ITIH6: variants seen among roughly 807,000 people sequenced by gnomAD.
ITIH6 encodes inter-alpha-trypsin inhibitor heavy chain H6.
A neutral mutation model predicts 58.2 loss-of-function variants in ITIH6; 60 were observed. The ratio of observed to expected loss-of-function variants is 1.03; its 90% CI spans 0.84 to 1.28. The LOEUF (loss-of-function observed/expected upper bound fraction) is 1.28, where lower values mean the gene tolerates loss of function less well. Ranked by LOEUF, ITIH6 falls within the 50% of genes most tolerant of loss-of-function variation. The pLI is 0.00. For missense variants in ITIH6, 1,290 were observed against 1,021.1 expected (o/e 1.26, Z -3.59); for synonymous variants, 493 against 417.4 (o/e 1.18, Z -2.21).
At chrX:54,785,641 G>C (rs1929229085) in intron 5 of ITIH6, among the ~76,000 whole-genome samples, 1 of 111,588 alleles carries the variant, frequency 9.0e-6, no homozygotes, top group Admixed American at 9.5e-5. Context: ...TTTCCCCTGC[G>C]ATCTGCGACA....
chrX:54,759,412 G>T (rs983328066), intron 7 of ITIH6, among the ~76,000 whole-genome samples: 1 of 111,948 alleles, frequency 8.9e-6, no homozygotes, highest in African/African-American at 3.2e-5. Flanking sequence ...TTGCTTAAAA[G>T]CTAGAATCAG....
At chrX:54,761,303 ATTTG>A (rs1191320959) in intron 6 of ITIH6, among the ~76,000 whole-genome samples, 3 of 111,474 alleles carry the variant, frequency 2.7e-5, no homozygotes, top group Non-Finnish European at 5.6e-5. Flanking sequence ...TTTCTTGTAA[ATTTG>A]TTTGAGTTCT....
intron 6 of ITIH6, among the ~76,000 whole-genome samples, chrX:54,770,262 G>T (rs908042790): frequency 8.9e-6 from 1 of 112,478 alleles, no homozygotes; most frequent in Non-Finnish European, 1.9e-5. Flanking sequence ...GCACCCACTG[G>T]CCTGCGCCCA....
At chrX:54,792,819 C>T (rs939253469) in intron 2 of ITIH6, among the ~76,000 whole-genome samples, 20 of 112,149 alleles carry the variant, frequency 1.8e-4, no homozygotes, top group African/African-American at 6.5e-4. Flanking sequence ...AGAAGGTAGT[C>T]TTGAAGCTAA....
chrX:54,759,045 C>T lies in ITIH6; in HGVS notation c.1076-47G>A, dbSNP rs1482055758. ...AGACCATCTTCTCTGGTCACTTCTACCCCCATTGCAGACACACTGGGCACC... is the reference window on the plus strand; with the variant it reads ...AGACCATCTTCTCTGGTCACTTCTATCCCCATTGCAGACACACTGGGCACC... On this transcript the variant is annotated intron_variant, in intron 7 of 12. Coordinates refer to ENST00000218436, the MANE Select transcript of ITIH6 (RefSeq NM_198510.3). The T allele has an allele frequency of 8.4e-6, 8 of 957,803 alleles. No individual in the cohort carries two copies. In the South Asian group the frequency reaches 1.9e-4, roughly 22 times the overall value. The allele number at this position is 957,803 out of a possible 1,213,427, so 78.9% of individuals were successfully genotyped here. A position where few individuals can be genotyped will look rare whatever the true frequency, so the allele number is the denominator to read the frequency against.
intron 6 of ITIH6, among the ~76,000 whole-genome samples, chrX:54,773,040 C>G (rs1349293496): frequency 8.9e-6 from 1 of 111,821 alleles, no homozygotes; most frequent in African/African-American, 3.3e-5. Flanking sequence ...CTTCTAGTGT[C>G]TGTATTTTTG....
chrX:54,755,455 C>T (rs1928466527), intron 8 of ITIH6, among the ~76,000 whole-genome samples: 1 of 111,339 alleles, frequency 9.0e-6, no homozygotes, highest in African/African-American at 3.3e-5. Context: ...CATAATTTAT[C>T]ACAAATGGTG....
At chrX:54,750,473 G>C (rs1928330405) in intron 12 of ITIH6, among the ~76,000 whole-genome samples, 1 of 111,382 alleles carries the variant, frequency 9.0e-6, no homozygotes, top group African/African-American at 3.3e-5. Context: ...GGTTCTGCCA[G>C]TGTCTCCTGA....
At chrX:54,751,526 G>A in intron 11 of ITIH6, 146 bp from the exon 12 acceptor site, 1 of 667,193 alleles carries the variant, frequency 1.5e-6, no homozygotes, top group Non-Finnish European at 2.2e-6. Context: ...GGTCCACCTG[G>A]CTGCTCCTTC....
At chrX:54,756,698 A>G (rs979651728) in intron 8 of ITIH6, among the ~76,000 whole-genome samples, 2 of 110,892 alleles carry the variant, frequency 1.8e-5, no homozygotes, top group Non-Finnish European at 3.8e-5. Flanking sequence ...CCCTTGGCCA[A>G]TTTGTTTCTG....
intron 6 of ITIH6, among the ~76,000 whole-genome samples, chrX:54,766,045 G>C (rs868252947): frequency 9.9e-5 from 11 of 110,879 alleles, no homozygotes; most frequent in Admixed American, 2.9e-4. Flanking sequence ...TCTTCCATTT[G>C]TTTGTATCCT....
intron 6 of ITIH6, among the ~76,000 whole-genome samples, chrX:54,762,375 C>T (rs2147605089): frequency 9.0e-6 from 1 of 111,616 alleles, no homozygotes; most frequent in Admixed American, 9.6e-5. Flanking sequence ...ACAATCATGT[C>T]ATCTGCAAAC....
At chrX:54,787,666 T>A (rs1215895376) in intron 5 of ITIH6, 2 of 111,691 alleles carry the variant, frequency 1.8e-5, no homozygotes, top group African/African-American at 6.5e-5. Context: ...AACGAATTGT[T>A]GGTGGACTGG....
At chrX:54,764,042 T>A (rs1292178229) in intron 6 of ITIH6, among the ~76,000 whole-genome samples, 1 of 112,131 alleles carries the variant, frequency 8.9e-6, no homozygotes, top group Non-Finnish European at 1.9e-5. Flanking sequence ...TAGCATGGTA[T>A]ATCTTTCTCT....
chrX:54,790,227 A>G (rs1929317661), intron 4 of ITIH6, among the ~76,000 whole-genome samples: 1 of 106,208 alleles, frequency 9.4e-6, no homozygotes, highest in Non-Finnish European at 1.9e-5. Flanking sequence ...CTGGTTGATG[A>G]CACAGCTTCC....
At chrX:54,776,269 G>A (rs1396578202) in intron 5 of ITIH6, among the ~76,000 whole-genome samples, 1 of 111,150 alleles carries the variant, frequency 9.0e-6, no homozygotes, top group East Asian at 2.8e-4. Flanking sequence ...AATTACCCAT[G>A]TCAGCATGTC....
intron 6 of ITIH6, among the ~76,000 whole-genome samples, chrX:54,767,153 C>T (rs1244655310): frequency 4.6e-5 from 5 of 108,268 alleles, no homozygotes; most frequent in Non-Finnish European, 9.5e-5. Context: ...TCCATTTCTT[C>T]TAGATTTTCT....
chrX:54,778,751 TGAGA>T (rs893180593), intron 5 of ITIH6, among the ~76,000 whole-genome samples: 1 of 110,801 alleles, frequency 9.0e-6, no homozygotes, highest in African/African-American at 3.3e-5. Flanking sequence ...CTTTCCAAAC[TGAGA>T]GAAAGATATC....
chrX:54,790,746 A>G, intron 4 of ITIH6, 91 bp downstream of exon 4: 2 of 1,081,389 alleles, frequency 1.8e-6, no homozygotes, highest in Admixed American at 2.2e-5. Flanking sequence ...ACAGAGCAGA[A>G]GTGGCACTAG....
Sources: allele counts gnomAD v4.1 joint callset (sites outside exome capture counted in the v4.1 genomes callset), GRCh38; gene constraint gnomAD v4.1.1; transcripts MANE v1.5; gene names NCBI Gene and HGNC (gene_info 2026-07-23, HGNC 2026-07-21).